Variants in SYNE2 observed in about 807,000 individuals in gnomAD.
SYNE2 encodes spectrin repeat containing nuclear envelope protein 2, also known as nesprin-2.
A neutral mutation model predicts 856.3 loss-of-function variants in SYNE2; 431 were observed. The observed-to-expected ratio is 0.50, with a 90% CI of 0.47 to 0.55. SYNE2 has a LOEUF of 0.55. Among genes scored for constraint, SYNE2 ranks in the 20% least tolerant of loss-of-function variants. SYNE2 has a pLI of 0.00. For synonymous variants in SYNE2, 2,923 were observed against 2,872.3 expected, an observed-to-expected ratio of 1.02 and a Z score of -0.56; for missense variants, 8,129 against 8,023.2, an observed-to-expected ratio of 1.01 and a Z score of -0.50.
intron 2 of SYNE2, among the ~76,000 whole-genome samples, chr14:63,924,356 A>T (rs192376902): frequency 1.4e-3 from 209 of 152,266 alleles, no homozygotes; most frequent in Admixed American, 4.2e-3. Context: ...TTGCATTTCC[A>T]TATGAATTTT....
At chr14:63,938,780 A>G (rs1293025886) in intron 2 of SYNE2, among the ~76,000 whole-genome samples, 1 of 151,978 alleles carries the variant, frequency 6.6e-6, no homozygotes, top group Non-Finnish European at 1.5e-5. Flanking sequence ...CATGGAGGGG[A>G]TTTTGCTGAT....
At chr14:64,201,776 C>T (rs1206468751) in intron 99 of SYNE2, among the ~76,000 whole-genome samples, 1 of 152,110 alleles carries the variant, frequency 6.6e-6, no homozygotes, top group Non-Finnish European at 1.5e-5. Flanking sequence ...CTCTAGTGCT[C>T]CCAGCTATGG....
intron 1 of SYNE2, among the ~76,000 whole-genome samples, chr14:63,874,444 A>G (rs983152144): frequency 5.9e-5 from 9 of 152,234 alleles, no homozygotes; most frequent in African/African-American, 1.7e-4. Context: ...ACAAAGTACC[A>G]TAATTTGCTA....
intron 1 of SYNE2, among the ~76,000 whole-genome samples, chr14:63,818,767 C>T (rs1889105008): frequency 1.4e-5 from 2 of 145,754 alleles, no homozygotes; most frequent in African/African-American, 2.5e-5. Flanking sequence ...GGCTCGATCT[C>T]GGCTCACTGC....
intron 1 of SYNE2, among the ~76,000 whole-genome samples, chr14:63,773,831 T>C (rs1286637952): frequency 2.0e-5 from 3 of 152,238 alleles, no homozygotes; most frequent in African/African-American, 7.2e-5. Flanking sequence ...CATTTGCCTC[T>C]GATGATCTGT....
At chr14:63,915,252 T>C (rs1179148752) in intron 2 of SYNE2, among the ~76,000 whole-genome samples, 1 of 152,224 alleles carries the variant, frequency 6.6e-6, no homozygotes, top group Non-Finnish European at 1.5e-5. Context: ...GGAGGATCTA[T>C]TTGAAAGTCA....
chr14:63,973,859 A>G (rs750957480), intron 11 of SYNE2, among the ~76,000 whole-genome samples: 1 of 152,198 alleles, frequency 6.6e-6, no homozygotes, highest in Admixed American at 6.5e-5. Flanking sequence ...TTGCTTTTGC[A>G]TATGATGGGT....
At chr14:63,953,174 T>C (rs1171226522) in intron 7 of SYNE2, among the ~76,000 whole-genome samples, 2 of 152,192 alleles carry the variant, frequency 1.3e-5, no homozygotes, top group East Asian at 1.9e-4. Context: ...ATAATTACAG[T>C]TGGCAAGCAG....
chr14:64,128,542 G>A lies in SYNE2; in HGVS notation c.14008G>A (p.Glu4670Lys), dbSNP rs1330613504. ...TGAAATCAGTGGGCAGAGTGTTGCTGAACAGCTTCAGGTAATCAAGTCAAA... is the reference window on the plus strand; with the variant it reads ...TGAAATCAGTGGGCAGAGTGTTGCTAAACAGCTTCAGGTAATCAAGTCAAA... ...LNEISGQSVA[E>K]QLQKADAYTV... Residue 4670 changes from glutamate to lysine, a missense_variant, in exon 74 of 116, where the codon GAA (glutamate) becomes AAA (lysine). Glu to Lys is a moderately conservative substitution (Grantham distance 56). Transcript: ENST00000555002. 2 of 1,603,574 alleles carry A rather than the reference G, an allele frequency of 1.2e-6. No individual in the cohort carries two copies. The highest frequency in any genetic ancestry group is 2.2e-5 in the South Asian group (2 of 90,856).
chr14:64,163,640 C>A, intron 89 of SYNE2, 59 bp downstream of exon 89: 1 of 1,595,148 alleles, frequency 6.3e-7, no homozygotes, highest in Non-Finnish European at 8.6e-7. Context: ...CATCCTCAAT[C>A]CCTTGTATCC....
At chr14:64,188,441 T>C in intron 97 of SYNE2, 109 bp from the exon 98 acceptor site, 1 of 1,223,396 alleles carries the variant, frequency 8.2e-7, no homozygotes, top group South Asian at 1.2e-5. Context: ...CAAGGTTGAG[T>C]GCGGAGAGCT....
At chr14:64,124,377 A>ATT (rs372149959) in intron 70 of SYNE2, among the ~76,000 whole-genome samples, 27 of 130,096 alleles carry the variant, frequency 2.1e-4, no homozygotes, top group African/African-American at 4.8e-4. Context: ...TTTTTGTATA[A>ATT]TTTTTTTTTT....
intron 35 of SYNE2, among the ~76,000 whole-genome samples, chr14:64,020,392 G>A (rs750029286): frequency 5.9e-5 from 9 of 152,092 alleles, no homozygotes; most frequent in Non-Finnish European, 7.4e-5. Context: ...CTTGCCCTAT[G>A]GCCTCTAAAA....
intron 1 of SYNE2, among the ~76,000 whole-genome samples, chr14:63,797,639 G>A (rs555984850): frequency 1.4e-4 from 22 of 152,072 alleles, no homozygotes; most frequent in South Asian, 1.2e-3. Flanking sequence ...ACGGGGTTTC[G>A]CCATGTTGGC....
intron 94 of SYNE2, among the ~76,000 whole-genome samples, chr14:64,172,668 T>C (rs2153728786): frequency 6.6e-6 from 1 of 152,182 alleles, no homozygotes; most frequent in Non-Finnish European, 1.5e-5. Flanking sequence ...TTGATGAGAA[T>C]TGGCTGAAAT....
At chr14:63,959,114 A>G (rs530092444) in intron 8 of SYNE2, among the ~76,000 whole-genome samples, 32 of 152,170 alleles carry the variant, frequency 2.1e-4, no homozygotes, top group African/African-American at 7.5e-4. Context: ...GGAGAATGGT[A>G]TTAGAAACCA....
chr14:63,918,677 G>C (rs1179400533), intron 2 of SYNE2, among the ~76,000 whole-genome samples: 3 of 152,186 alleles, frequency 2.0e-5, no homozygotes, highest in Non-Finnish European at 4.4e-5. Flanking sequence ...TGTCTTGTCG[G>C]GTGGAGCAGC....
intron 95 of SYNE2, among the ~76,000 whole-genome samples, chr14:64,176,568 C>T (rs2098436281): frequency 6.6e-6 from 1 of 151,992 alleles, no homozygotes. Flanking sequence ...AGAAGACAGC[C>T]AGCAGAGGAG....
rs115171912 is a variant in SYNE2, at chr14:63,771,736, A to T, written c.-305+9750A>T. 8.8e-3 allele frequency among the ~76,000 whole-genome samples: 1,333 copies of T among 152,018 alleles called. 20 individuals carry two copies. The highest frequency in any genetic ancestry group is 0.03 in the African/African-American group (1,256 of 41,466). ...AACAGGGTGAAACCCTGTCTCTACTAAAAAAATAACGAAAATTAGCTGGGT... is the reference window on the plus strand; with the variant it reads ...AACAGGGTGAAACCCTGTCTCTACTTAAAAAATAACGAAAATTAGCTGGGT... On this transcript the variant is annotated intron_variant, in intron 1 of 23. Transcript: ENST00000674003.
Sources: allele counts gnomAD v4.1 joint callset (sites outside exome capture counted in the v4.1 genomes callset), GRCh38; gene constraint gnomAD v4.1.1; transcripts MANE v1.5; gene names NCBI Gene and HGNC (gene_info 2026-07-23, HGNC 2026-07-21).